Variants in ACSM2B observed in about 807,000 individuals in gnomAD.
ACSM2B encodes the protein acyl-coenzyme A synthetase ACSM2B, mitochondrial.
In ACSM2B, 58 loss-of-function variants were observed where a neutral mutation model predicts 78.6. That is an observed-to-expected ratio of 0.74 (90% CI 0.60 to 0.92). ACSM2B has a LOEUF of 0.92. Ranked by LOEUF, ACSM2B falls within the 40% of genes least tolerant of loss-of-function variation. ACSM2B has a pLI of 0.00. For synonymous variants in ACSM2B, 257 were observed against 256.8 expected (o/e 1.00, Z -0.01); for missense variants, 688 against 711.2 (o/e 0.97, Z 0.37).
chr16:20,561,969 T>TG (rs1401158233), intron 2 of ACSM2B, among the ~76,000 whole-genome samples: 1 of 516 alleles, frequency 1.9e-3, no homozygotes, highest in Non-Finnish European at 0.014. Flanking sequence ...CAGTGTTTGG[T>TG]TTTTTTGTCC....
chr16:20,569,901 A>G (rs1311432959), intron 1 of ACSM2B, among the ~76,000 whole-genome samples: 1 of 151,844 alleles, frequency 6.6e-6, no homozygotes, highest in Admixed American at 6.6e-5. Flanking sequence ...GTTTTTGTAC[A>G]TTAATTTTGT....
In ACSM2B at chr16:20,559,255, G is replaced by A. The variant is rs148987328; in HGVS notation, c.370C>T (p.Leu124=). 4,288 of 1,612,898 alleles carry A rather than the reference G, an allele frequency of 2.7e-3. 93 individuals carry two copies. In the South Asian group the frequency reaches 0.03, roughly 11 times the overall value. The part of the protein sequence containing the change: ...PRVPEWWLVI[L]GCIRAGLIFM... ...TACCAACCTGCTCGAATGCAGCCCA[G>A]GATCACCAGCCACCACTCAGGCACT... is the stretch of plus-strand genomic sequence containing the variant. The change falls in exon 3 of 14, where the codon CTG becomes TTG. Residue 124 remains leucine, a synonymous_variant. Coordinates refer to ENST00000329697, the MANE Select transcript of ACSM2B (RefSeq NM_001105069.2).
At chr16:20,541,998 A>G (rs2015007389) in intron 12 of ACSM2B, 1 of 152,168 alleles carries the variant, frequency 6.6e-6, no homozygotes, top group African/African-American at 2.4e-5. Context: ...GTACATATGT[A>G]TTGGGTACAA....
At chr16:20,560,986 G>T (rs2015636383) in intron 2 of ACSM2B, among the ~76,000 whole-genome samples, 1 of 152,072 alleles carries the variant, frequency 6.6e-6, no homozygotes, top group Non-Finnish European at 1.5e-5. Flanking sequence ...TAAGAGTAAT[G>T]ACTTAGGGAA....
intron 1 of ACSM2B, among the ~76,000 whole-genome samples, chr16:20,572,916 A>C (rs2016130947): frequency 3.3e-5 from 5 of 149,750 alleles, no homozygotes; most frequent in Admixed American, 3.3e-4. Context: ...TCCTAAAGTT[A>C]TGATTGTTTT....
At chr16:20,566,706 A>AG (rs1567218447) in intron 1 of ACSM2B, among the ~76,000 whole-genome samples, 8 of 44,124 alleles carry the variant, frequency 1.8e-4, no homozygotes, top group Non-Finnish European at 2.3e-4. Flanking sequence ...TAGTATATAT[A>AG]TAGTATATAT....
intron 1 of ACSM2B, among the ~76,000 whole-genome samples, chr16:20,565,308 A>G (rs1371655223): frequency 1.3e-5 from 2 of 152,146 alleles, no homozygotes; most frequent in African/African-American, 4.8e-5. Context: ...GCTTTGGTCA[A>G]TGAGATGTGA....
At position 20,561,968 on chromosome 16, in the gene ACSM2B, G is replaced by GTT. The variant is rs58486772; in HGVS notation, c.178-2523_178-2522dup. Among the ~76,000 whole-genome samples the GTT allele has an allele frequency of 6.7e-5, 10 of 149,088 alleles. 1 individual carries two copies. Among genetic ancestry groups the GTT allele is most frequent in the Admixed American group, 1.3e-4 (2 of 15,030 alleles). On this transcript the variant is annotated intron_variant, in intron 2 of 13. Transcript: ENST00000329697. ...TATGAGTGAGAACATGCAGTGTTTG[G>GTT]TTTTTTTGTCCTTGCCATGGTTTGC...
chr16:20,540,813 T>C, intron 12 of ACSM2B, 40 bp from the exon 13 acceptor site: 1 of 1,597,406 alleles, frequency 6.3e-7, no homozygotes, highest in Non-Finnish European at 8.6e-7. Flanking sequence ...GGGATTAGAG[T>C]GTGTAGTCAT....
At chr16:20,552,989 T>A (rs2015365146) in intron 5 of ACSM2B, among the ~76,000 whole-genome samples, 1 of 152,120 alleles carries the variant, frequency 6.6e-6, no homozygotes, top group African/African-American at 2.4e-5. Context: ...CACTACCAAA[T>A]TTTTTGGGGG....
chr16:20,553,925 C>G lies in ACSM2B; in HGVS notation c.597-5G>C. 2 of 1,613,510 alleles carry G rather than the reference C, an allele frequency of 1.2e-6. No individual in the cohort carries two copies. Among genetic ancestry groups the G allele is most frequent in the Non-Finnish European group, 1.7e-6 (2 of 1,179,674 alleles). ...TGATGAGTGGTGGATGCCTCACTGA[C>G]AAAGACACAGATTGTCATTTTCTCA... On this transcript the variant is annotated splice_region_variant and splice_polypyrimidine_tract_variant and intron_variant, in intron 4 of 13. Coordinates refer to ENST00000329697, the MANE Select transcript of ACSM2B (RefSeq NM_001105069.2).
At chr16:20,544,182 G>T (rs1167968083) in intron 10 of ACSM2B, among the ~76,000 whole-genome samples, 1 of 152,194 alleles carries the variant, frequency 6.6e-6, no homozygotes, top group Non-Finnish European at 1.5e-5. Flanking sequence ...GCTTGGAGAA[G>T]GGGACAGTGT....
rs1171082088 is a variant in ACSM2B at position 20,553,896 on chromosome 16, A to C, written c.621T>G (p.Cys207Trp). The C allele has an allele frequency of 6.2e-7, 1 of 1,613,810 alleles. No homozygotes were observed. The highest frequency in any genetic ancestry group is 1.7e-5 in the Admixed American group (1 of 60,006). Residue 207 changes from cysteine (C) to tryptophan (W), a missense_variant, in exon 5 of 14, where the codon TGT becomes TGG. Cys to Trp is a radical substitution (Grantham distance 215, BLOSUM62 -2). Transcript: ENST00000329697. ...ATGCTTCCTGGCTTCCAGTCTCCAC[A>C]CAGTGATGAGTGGTGGATGCCTCAC... ...LLNEASTTHHCVETGSQEASA... is the reference protein window; with the variant it reads ...LLNEASTTHHWVETGSQEASA...
intron 1 of ACSM2B, among the ~76,000 whole-genome samples, chr16:20,570,902 G>T (rs2016074877): frequency 6.6e-6 from 1 of 151,552 alleles, no homozygotes; most frequent in Non-Finnish European, 1.5e-5. Context: ...GTATTTCTGT[G>T]GTATCAGTTG....
rs1457653822 is a variant in ACSM2B at position 20,555,332 on chromosome 16, C to T, written c.533G>A (p.Arg178Lys). 3 of 1,613,896 alleles carry T rather than the reference C, an allele frequency of 1.9e-6. No individual in the cohort carries two copies. In the East Asian group the frequency reaches 6.7e-5, roughly 36 times the overall value. ...DTVASECPSL[R>K]IKLLVSEKSC... is the part of the protein sequence containing the mutation. ...TTTCTCAGACACCAGTAGCTTAATT[C>T]TCAGAGAAGGACATTCAGATGCCAC... Residue 178 changes from arginine (R) to lysine (K), a missense_variant, in exon 4 of 14, where the codon AGA (arginine) becomes AAA (lysine). By Grantham distance (26) the Arg-to-Lys change is conservative. Transcript: ENST00000329697.
At chr16:20,559,479 G>A (rs765684143) in intron 2 of ACSM2B, 32 bp from the exon 3 acceptor site, 58 of 1,608,750 alleles carry the variant, frequency 3.6e-5, no homozygotes, top group Non-Finnish European at 4.6e-5. Flanking sequence ...TGATTAGGGG[G>A]CATTGGTACA....
intron 9 of ACSM2B, 74 bp downstream of exon 9, chr16:20,546,320 A>C (rs2015140927): frequency 3.2e-6 from 5 of 1,538,672 alleles, no homozygotes; most frequent in Non-Finnish European, 4.4e-6. Flanking sequence ...TGACTCAATA[A>C]ACAATGGAAA....
intron 3 of ACSM2B, 106 bp from the exon 4 acceptor site, chr16:20,555,582 G>A (rs1463148965): frequency 3.2e-6 from 5 of 1,544,684 alleles, no homozygotes; most frequent in East Asian, 2.3e-5. Context: ...GGAGAGGATG[G>A]GGAAGTAATG....
chr16:20,549,823 T>C (rs1567209109), intron 6 of ACSM2B: 1 of 449,264 alleles, frequency 2.2e-6, no homozygotes, highest in African/African-American at 2.0e-5. Context: ...GGCTTCCAGC[T>C]TATAGGTAGA....
Sources: allele counts gnomAD v4.1 joint callset (sites outside exome capture counted in the v4.1 genomes callset), GRCh38; gene constraint gnomAD v4.1.1; transcripts MANE v1.5; gene names NCBI Gene and HGNC (gene_info 2026-07-23, HGNC 2026-07-21).